The following INSR variants were observed in gnomAD, a reference collection of about 807,000 sequenced individuals.
INSR encodes IR.
Under a neutral mutation model 142.6 loss-of-function variants are expected in INSR, and 67 were observed. That is an observed-to-expected ratio of 0.47 (90% CI 0.39 to 0.58). INSR has a LOEUF of 0.58. INSR is among the 20% of genes least tolerant of loss of function. The pLI is 0.00. For missense variants in INSR, 1,248 were observed against 1,833.2 expected (o/e 0.68, Z 5.83); for synonymous variants, 756 against 743.1 (o/e 1.02, Z -0.28).
rs1973937138 is a variant in INSR at position 7,168,419 on chromosome 19, A to G, written c.1484-325T>C. 6.6e-6 allele frequency among the ~76,000 whole-genome samples: 1 copy of G among 152,188 alleles called. No individual in the cohort carries two copies. The highest frequency in any genetic ancestry group is 1.5e-5 in the Non-Finnish European group (1 of 68,032). On this transcript the variant is annotated intron_variant, in intron 6 of 21. Transcript: ENST00000302850. This position sits in a 1 kb window ranked among gnomAD's most constrained non-coding sequence, Gnocchi z 4.3. ...TTGGAGGAAGGGATTTCCAAGGGTG[A>G]TGTTTGTCCTGACACAACGTTGTCT... is the stretch of plus-strand genomic sequence containing the variant.
chr19:7,164,156 A>T (rs1472673858), intron 8 of INSR, among the ~76,000 whole-genome samples: 1 of 148,898 alleles, frequency 6.7e-6, no homozygotes, highest in Non-Finnish European at 1.5e-5. Context: ...TCTCACCCTT[A>T]GTACTATTGG....
rs112819336 is a variant in INSR at position 7,186,563 on chromosome 19, G to A, written c.653-1926C>T. ...TCAGTGGTATTAAATACTTTTATGT[G>A]GCTATGCAACCATCACCACCACCCA... On this transcript the variant is annotated intron_variant, in intron 2 of 21. Coordinates refer to ENST00000302850, the MANE Select transcript of INSR (RefSeq NM_000208.4). Among the ~76,000 whole-genome samples, 1,151 of 151,986 alleles carry A rather than the reference G, an allele frequency of 7.6e-3. 17 individuals carry two copies. The highest frequency in any genetic ancestry group is 0.029 in the East Asian group (152 of 5,186).
At chr19:7,199,424 G>A (rs1378620738) in intron 2 of INSR, among the ~76,000 whole-genome samples, 1 of 151,332 alleles carries the variant, frequency 6.6e-6, no homozygotes, top group African/African-American at 2.4e-5. Context: ...TTGAAACAGG[G>A]TCTTACTCTG....
intron 10 of INSR, 41 bp downstream of exon 10, chr19:7,152,685 C>T (rs763443741): frequency 2.0e-6 from 3 of 1,534,956 alleles, no homozygotes; most frequent in Admixed American, 1.7e-5. Context: ...AACACCAAGC[C>T]AATTGGCACC....
In INSR at chr19:7,114,500, C is replaced by T. The variant is rs1972275469; in HGVS notation, c.*2556G>A. 6.6e-6 allele frequency: 1 copy of T among 152,412 alleles called. No individual in the cohort carries two copies. The highest frequency in any genetic ancestry group is 2.1e-4 in the South Asian group (1 of 4,826). 9.4% of individuals were successfully genotyped at this position (152,412 alleles called of 1,614,324 possible). A position where few individuals can be genotyped will look rare whatever the true frequency, so the allele number is the denominator to read the frequency against. ...AAAAGGATCTATGCTCGCATAAAGG[C>T]CATACCTTCTCCATCCCAACTCCCT... On this transcript the variant is annotated 3_prime_UTR_variant, in exon 22 of 22. Coordinates refer to ENST00000302850, the MANE Select transcript of INSR (RefSeq NM_000208.4).
chr19:7,140,774 T>C (rs1006900694), intron 13 of INSR, among the ~76,000 whole-genome samples: 1 of 125,412 alleles, frequency 8.0e-6, no homozygotes, highest in Non-Finnish European at 1.6e-5. Context: ...TTAACGGCCC[T>C]TTTTTTTTTT....
At chr19:7,203,007 T>G (rs1975010918) in intron 2 of INSR, among the ~76,000 whole-genome samples, 1 of 151,176 alleles carries the variant, frequency 6.6e-6, no homozygotes, top group African/African-American at 2.4e-5. Context: ...TTTTTTTTTT[T>G]TTTTTTTCAG....
chr19:7,134,466 CATT>C (rs911323018), intron 13 of INSR, among the ~76,000 whole-genome samples: 2 of 148,208 alleles, frequency 1.3e-5, no homozygotes, highest in Non-Finnish European at 3.0e-5. Flanking sequence ...TTTTTTTAAT[CATT>C]ATAAAAACAG....
intron 1 of INSR, among the ~76,000 whole-genome samples, chr19:7,274,430 A>ACT (rs1478899453): frequency 6.6e-6 from 1 of 151,300 alleles, no homozygotes. Context: ...TTTTTTTCCC[A>ACT]TGACGCCTAC....
At chr19:7,171,539 C>A (rs1427134748) in intron 5 of INSR, among the ~76,000 whole-genome samples, 1 of 152,070 alleles carries the variant, frequency 6.6e-6, no homozygotes, top group Non-Finnish European at 1.5e-5. Context: ...AATAGAGTTT[C>A]TAGGACCTCA....
rs1373009795 is a variant in INSR at position 7,166,777 on chromosome 19, G to A, written c.1611-373C>T. Among the ~76,000 whole-genome samples, 1 of 151,958 alleles carries A rather than the reference G, an allele frequency of 6.6e-6. No individual in the cohort carries two copies. The highest frequency in any genetic ancestry group is 1.5e-5 in the Non-Finnish European group (1 of 67,996). The stretch of plus-strand genomic sequence containing the variant: ...TCTACTAAAAATACAAAAATTATCT[G>A]GGCATGGTGGCAGATGCTTGTAATC... On this transcript the variant is annotated intron_variant, in intron 7 of 21. Coordinates refer to ENST00000302850, the MANE Select transcript of INSR (RefSeq NM_000208.4). This position sits in a 1 kb window ranked among gnomAD's most constrained non-coding sequence, Gnocchi z 4.1.
chr19:7,117,556 G>C (rs1013857633), intron 21 of INSR, 146 bp from the exon 22 acceptor site: 2 of 628,082 alleles, frequency 3.2e-6, no homozygotes, highest in South Asian at 3.9e-5. Context: ...CAATTGTCAA[G>C]GCAGAAATAG....
At chr19:7,136,285 T>C (rs1972924378) in intron 13 of INSR, among the ~76,000 whole-genome samples, 1 of 152,026 alleles carries the variant, frequency 6.6e-6, no homozygotes, top group African/African-American at 2.4e-5. Context: ...TTCGGGGCAT[T>C]GTTGACAGCA....
chr19:7,228,730 C>T (rs779454343), intron 2 of INSR, among the ~76,000 whole-genome samples: 6 of 152,150 alleles, frequency 3.9e-5, no homozygotes, highest in Non-Finnish European at 8.8e-5. Flanking sequence ...AAACACAATC[C>T]CTGTCCCCTA....
intron 2 of INSR, among the ~76,000 whole-genome samples, chr19:7,229,760 C>CTTT (rs71177180): frequency 5.6e-4 from 49 of 87,514 alleles, no homozygotes; most frequent in Non-Finnish European, 6.9e-4. Flanking sequence ...CATTTACAGT[C>CTTT]TTTTTTTTTT....
chr19:7,152,213 A>G, intron 10 of INSR: 1 of 217,518 alleles, frequency 4.6e-6, no homozygotes, highest in Non-Finnish European at 9.2e-6. Context: ...CAACATGGCA[A>G]AACCCCGTCT....
At chr19:7,199,394 T>G (rs1208730083) in intron 2 of INSR, among the ~76,000 whole-genome samples, 1 of 151,316 alleles carries the variant, frequency 6.6e-6, no homozygotes, top group East Asian at 2.0e-4. Context: ...TTGTTTGATT[T>G]TTTAAATTTG....
chr19:7,137,069 T>A (rs1283134607), intron 13 of INSR, among the ~76,000 whole-genome samples: 3 of 152,054 alleles, frequency 2.0e-5, no homozygotes, highest in African/African-American at 7.2e-5. Flanking sequence ...TGACCTCAGG[T>A]GATCCACCCA....
chr19:7,227,621 G>A (rs1333194430), intron 2 of INSR, among the ~76,000 whole-genome samples: 1 of 152,098 alleles, frequency 6.6e-6, no homozygotes, highest in African/African-American at 2.4e-5. Context: ...CAAAGCATGT[G>A]AGAGTTTTGC....
Sources: allele counts gnomAD v4.1 joint callset (sites outside exome capture counted in the v4.1 genomes callset), GRCh38; gene constraint gnomAD v4.1.1; non-coding constraint Gnocchi (gnomAD v3.1); transcripts MANE v1.5; gene names NCBI Gene and HGNC (gene_info 2026-07-23, HGNC 2026-07-21).